Variants in ZCCHC17 observed in about 807,000 individuals in gnomAD.
ZCCHC17 encodes zinc finger CCHC domain-containing protein 17.
ZCCHC17 carries 18 observed loss-of-function variants against 30.6 expected under a neutral mutation model. The ratio of observed to expected loss-of-function variants is 0.59; its 90% CI spans 0.41 to 0.87. The LOEUF is 0.87. Among genes scored for constraint, ZCCHC17 ranks in the 40% least tolerant of loss-of-function variants. The pLI is 0.00. For synonymous variants in ZCCHC17, 88 were observed against 92.4 expected (o/e 0.95, Z 0.27); for missense variants, 263 against 284.2 (o/e 0.93, Z 0.54).
chr1:31,317,733 G>T (rs1184013147), intron 2 of ZCCHC17, among the ~76,000 whole-genome samples: 5 of 152,130 alleles, frequency 3.3e-5, no homozygotes, highest in Admixed American at 3.3e-4. Context: ...CTCTGGAGTA[G>T]CTAGGACTAC....
chr1:31,349,759 T>A (rs1043679827), intron 7 of ZCCHC17, among the ~76,000 whole-genome samples: 3 of 152,372 alleles, frequency 2.0e-5, no homozygotes, highest in Admixed American at 1.3e-4. Context: ...CATTTCCTAG[T>A]ATCCTTAAGT....
chr1:31,332,123 T>C (rs982320005), intron 3 of ZCCHC17, among the ~76,000 whole-genome samples: 2 of 152,216 alleles, frequency 1.3e-5, no homozygotes, highest in African/African-American at 4.8e-5. Context: ...ATAAGGAAAG[T>C]ATATCTTGTA....
intron 5 of ZCCHC17, among the ~76,000 whole-genome samples, chr1:31,342,548 C>A (rs915943763): frequency 2.6e-5 from 4 of 152,182 alleles, no homozygotes; most frequent in African/African-American, 9.7e-5. Context: ...GCATTAAATT[C>A]TCATAGGGGG....
At chr1:31,306,512 A>G (rs1278557765) in intron 1 of ZCCHC17, among the ~76,000 whole-genome samples, 1 of 152,156 alleles carries the variant, frequency 6.6e-6, no homozygotes, top group Non-Finnish European at 1.5e-5. Context: ...AATAAGAACA[A>G]CATAACAGTT....
intron 3 of ZCCHC17, among the ~76,000 whole-genome samples, chr1:31,333,704 G>A (rs1323576596): frequency 6.6e-6 from 1 of 151,976 alleles, no homozygotes; most frequent in Non-Finnish European, 1.5e-5. Context: ...GCTACTTAAA[G>A]ACAAAAAAAG....
intron 5 of ZCCHC17, among the ~76,000 whole-genome samples, chr1:31,342,655 A>G (rs1639090455): frequency 6.6e-6 from 1 of 152,206 alleles, no homozygotes; most frequent in Non-Finnish European, 1.5e-5. Flanking sequence ...GGCGGAGCTC[A>G]GGTGGTAATG....
chr1:31,322,126 C>T (rs1043105224), intron 3 of ZCCHC17, among the ~76,000 whole-genome samples: 2 of 152,064 alleles, frequency 1.3e-5, no homozygotes, highest in African/African-American at 2.4e-5. Context: ...AAGAGCCAGT[C>T]GATTTTATCT....
intron 3 of ZCCHC17, among the ~76,000 whole-genome samples, chr1:31,323,956 A>G (rs1273881348): frequency 1.4e-5 from 2 of 143,416 alleles, no homozygotes; most frequent in East Asian, 1.9e-4. Flanking sequence ...TTTGTAGACT[A>G]TGCAGATGAT....
intron 7 of ZCCHC17, among the ~76,000 whole-genome samples, chr1:31,358,045 C>T (rs542711567): frequency 9.7e-4 from 148 of 152,032 alleles, no homozygotes; most frequent in African/African-American, 3.4e-3. Context: ...TGAGCCACCG[C>T]GCCTGGCCTG....
intron 5 of ZCCHC17, among the ~76,000 whole-genome samples, chr1:31,344,044 G>A (rs1018960264): frequency 1.3e-5 from 2 of 151,630 alleles, no homozygotes; most frequent in African/African-American, 2.4e-5. Context: ...TAGTAGAGAC[G>A]GGGTTTCTCC....
chr1:31,317,000 G>A (rs1048909852), intron 2 of ZCCHC17, among the ~76,000 whole-genome samples: 7 of 151,298 alleles, frequency 4.6e-5, no homozygotes, highest in African/African-American at 1.2e-4. Context: ...TCAAGGGACC[G>A]AGGTTCTATC....
At chr1:31,340,282 T>A (rs1156584241) in intron 5 of ZCCHC17, among the ~76,000 whole-genome samples, 3 of 150,242 alleles carry the variant, frequency 2.0e-5, no homozygotes, top group Non-Finnish European at 4.4e-5. Flanking sequence ...GGTTCTTGGA[T>A]CCCTAAAGTC....
At chr1:31,333,522 C>CA (rs1557443206) in intron 3 of ZCCHC17, among the ~76,000 whole-genome samples, 1 of 151,246 alleles carries the variant, frequency 6.6e-6, no homozygotes, top group African/African-American at 2.4e-5. Flanking sequence ...GACTCCATCT[C>CA]AAAAAAATAA....
intron 7 of ZCCHC17, among the ~76,000 whole-genome samples, chr1:31,360,678 G>A (rs1459123627): frequency 2.6e-5 from 4 of 152,202 alleles, no homozygotes; most frequent in Admixed American, 6.5e-5. Flanking sequence ...GGACTCTCCA[G>A]TGATTTGTTT....
chr1:31,364,160 G>C lies in ZCCHC17; in HGVS notation c.693G>C (p.Lys231Asn). The change falls in exon 8 of 8, where the codon AAG becomes AAC. Residue 231 changes from lysine to asparagine, a missense_variant. Lys to Asn is a moderately conservative substitution (Grantham distance 94). Transcript: ENST00000344147. ...GCAAGGCAGCAAAGAAGAAGAAAAA[G>C]AAGAAGAAGCACAAGAAGAAGCACA... ...KDSKAAKKKK[K>N]KKKHKKKHKE 1.9e-6 allele frequency: 3 copies of C among 1,613,674 alleles called. No homozygotes were observed. The highest frequency in any genetic ancestry group is 2.5e-6 in the Non-Finnish European group (3 of 1,179,774).
chr1:31,298,219 G>C lies in ZCCHC17; in HGVS notation c.-56+1144G>C, dbSNP rs115744885. On this transcript the variant is annotated intron_variant, in intron 1 of 7. Coordinates refer to ENST00000344147, the MANE Select transcript of ZCCHC17 (RefSeq NM_016505.4). ...AGGTATATAGGAGGTAAAATGGGTG[G>C]GACTTGGTGATGGGTTGATTTTAGG... is the stretch of plus-strand genomic sequence containing the variant. 9.6e-3 allele frequency among the ~76,000 whole-genome samples: 1,468 copies of C among 152,174 alleles called. 29 individuals are homozygous for C. Among genetic ancestry groups the C allele is most frequent in the African/African-American group, 0.032 (1,332 of 41,500 alleles).
intron 7 of ZCCHC17, among the ~76,000 whole-genome samples, chr1:31,357,515 G>T (rs375596014): frequency 1.2e-4 from 19 of 152,324 alleles, no homozygotes; most frequent in African/African-American, 4.6e-4. Context: ...GGCCATTGCA[G>T]GTAAAGTAGT....
intron 2 of ZCCHC17, among the ~76,000 whole-genome samples, chr1:31,311,516 T>C (rs2174506): frequency 0.2 from 30,551 of 152,268 alleles, 3,704 homozygotes; most frequent in East Asian, 0.46. Context: ...AACAGAAATT[T>C]ATTTCTCACA....
Position 31,336,602 on chromosome 1 carries a change from T to G in ZCCHC17, c.125-573T>G, listed in dbSNP as rs184679919. Reference sequence around the variant, plus strand: ...TCTCAAACTCCTTGCCTCAAGGTATTCTCCCATCTTGGCCTTGCAAAGTGT... The same window carrying G: ...TCTCAAACTCCTTGCCTCAAGGTATGCTCCCATCTTGGCCTTGCAAAGTGT... On this transcript the variant is annotated intron_variant, in intron 3 of 7. Coordinates refer to ENST00000344147, the MANE Select transcript of ZCCHC17 (RefSeq NM_016505.4). 2.1e-4 allele frequency among the ~76,000 whole-genome samples: 32 copies of G among 152,234 alleles called. No individual in the cohort carries two copies. The East Asian group carries it at 6.2e-3, about 29-fold the overall frequency.
Sources: gnomAD v4.1 joint callset for allele counts (sites outside exome capture counted in the v4.1 genomes callset) on GRCh38, gnomAD v4.1.1 for gene constraint, MANE v1.5 for transcripts, NCBI Gene and HGNC (gene_info 2026-07-23, HGNC 2026-07-21) for gene names.